Variants in SYNJ1 observed in about 807,000 individuals in gnomAD.
The protein encoded by SYNJ1 is synaptojanin 1, also known as polyphosphatidylinositol phosphatase SYNJ1.
Under a neutral mutation model 168.2 loss-of-function variants are expected in SYNJ1, and 78 were observed. The ratio of observed to expected loss-of-function variants is 0.46; its 90% CI spans 0.39 to 0.56. The LOEUF is 0.56. SYNJ1 is among the 20% of genes least tolerant of loss of function. SYNJ1 has a pLI of 0.00. For missense variants in SYNJ1, 1,303 were observed against 1,597.6 expected (o/e 0.82, Z 3.14); for synonymous variants, 539 against 548.6 (o/e 0.98, Z 0.24).
In SYNJ1 at chr21:32,684,099, C is replaced by T. The variant is rs1423043122; in HGVS notation, c.1139G>A (p.Arg380Gln). 1.9e-6 allele frequency: 3 copies of T among 1,613,592 alleles called. No individual in the cohort carries two copies. Among genetic ancestry groups the T allele is most frequent in the Non-Finnish European group, 2.5e-6 (3 of 1,179,712 alleles). Residue 380 changes from arginine (R) to glutamine (Q), a missense_variant, in exon 10 of 33, where the codon CGA becomes CAA. Around this residue, in one of 2 missense-constraint regions of SYNJ1, gnomAD observed 920 missense variants for 1,208.8 expected, o/e 0.76. Transcript: ENST00000674351. ...EVQRCQSGTV[R>Q]TNCLDCLDRT... ...ATCAAGACAATCCAAGCAGTTTGTT[C>T]GAACTGTACCACTCTGGCATCTGTA...
chr21:32,661,835 C>T lies in SYNJ1; in HGVS notation c.2304+3078G>A, dbSNP rs996377915. ...ACTAGGGGGACTTCCAGGCACTCCC[C>T]GAGAGTTAGGTGAAATTGAGTTACA... On this transcript the variant is annotated intron_variant, in intron 18 of 32. Transcript: ENST00000674351. Among the ~76,000 whole-genome samples, 10 of 152,010 alleles carry T rather than the reference C, an allele frequency of 6.6e-5. No homozygotes were observed. In the South Asian group the frequency reaches 8.3e-4, roughly 13 times the overall value.
rs552156302 is a variant in SYNJ1, at chr21:32,682,411, A to G, written c.1201-763T>C. Among the ~76,000 whole-genome samples, 10 of 152,312 alleles carry G rather than the reference A, an allele frequency of 6.6e-5. No individual in the cohort carries two copies. In the East Asian group the frequency reaches 1.9e-3, roughly 29 times the overall value. On this transcript the variant is annotated intron_variant, in intron 10 of 32. Coordinates refer to ENST00000674351, the MANE Select transcript of SYNJ1 (RefSeq NM_203446.3). ...ATTTTAACTTAACTCTTTCCAATTT[A>G]CGTTTTATTTTATCATGTAAGTATG... is the stretch of plus-strand genomic sequence containing the variant.
Position 32,641,905 on chromosome 21 carries a change from T to C in SYNJ1, c.3579A>G (p.Thr1193=), listed in dbSNP as rs754897638. The C allele has an allele frequency of 3.1e-6, 5 of 1,612,156 alleles. No homozygotes were observed. The African/African-American group carries it at 5.4e-5, about 17-fold the overall frequency. The change falls in exon 29 of 33, where the codon ACA becomes ACG. Residue 1193 remains threonine, a synonymous_variant. Coordinates refer to ENST00000674351, the MANE Select transcript of SYNJ1 (RefSeq NM_203446.3). ...GCGAGGTTTTACCTACCGGTCTGGC[T>C]GTACTGTATCCAGCAGGTCCTGGGC... is the stretch of plus-strand genomic sequence containing the variant. ...LAGPGPAGYS[T]ARPTIPPRAG...
At chr21:32,677,977 A>G (rs1406732435) in intron 12 of SYNJ1, among the ~76,000 whole-genome samples, 4 of 152,180 alleles carry the variant, frequency 2.6e-5, no homozygotes, top group Non-Finnish European at 5.9e-5. Flanking sequence ...AAGAAAAAGT[A>G]AGTCTAATCT....
At chr21:32,639,519 G>C (rs138560142) in intron 30 of SYNJ1, 152 bp downstream of exon 30, 1 of 636,214 alleles carries the variant, frequency 1.6e-6, no homozygotes, top group East Asian at 2.8e-5. Flanking sequence ...AGCCGCCCGA[G>C]TAGCTGGGAC....
At chr21:32,725,376 C>T (rs1426999762) in intron 2 of SYNJ1, among the ~76,000 whole-genome samples, 1 of 152,058 alleles carries the variant, frequency 6.6e-6, no homozygotes, top group African/African-American at 2.4e-5. Context: ...TAATACTGTA[C>T]CAAGGTATAG....
rs770748456 is a variant in SYNJ1 at position 32,646,403 on chromosome 21, G to A, written c.3237C>T (p.Pro1079=). ...SRAPSRTPGP[P]SAQSSPIDAQ... ...AAATAAAATGCATACTCTGTGCACT[G>A]GGAGGCCCAGGAGTTCTTGACGGTG... The change falls in exon 24 of 33, where the codon CCC becomes CCT. Residue 1079 remains proline (P), a synonymous_variant. Coordinates refer to ENST00000674351, the MANE Select transcript of SYNJ1 (RefSeq NM_203446.3). The A allele has an allele frequency of 1.4e-5, 22 of 1,613,952 alleles. No homozygotes were observed. The highest frequency in any genetic ancestry group is 3.4e-6 in the Non-Finnish European group (4 of 1,179,964).
chr21:32,675,414 T>A (rs1206239600), intron 13 of SYNJ1, among the ~76,000 whole-genome samples: 3 of 152,080 alleles, frequency 2.0e-5, no homozygotes, highest in Non-Finnish European at 4.4e-5. Flanking sequence ...TAAAAAATTT[T>A]AAAAAAGAAA....
chr21:32,653,456 G>A, intron 21 of SYNJ1, 90 bp from the exon 22 acceptor site: 2 of 1,003,320 alleles, frequency 2.0e-6, no homozygotes, highest in Non-Finnish European at 3.0e-6. Flanking sequence ...ATTAACAAGG[G>A]CCACAAGAGG....
chr21:32,688,198 G>C, intron 7 of SYNJ1, 108 bp downstream of exon 7: 2 of 995,498 alleles, frequency 2.0e-6, no homozygotes, highest in South Asian at 3.2e-5. Flanking sequence ...TTAGGAGTCA[G>C]AGGAATTTTA....
intron 2 of SYNJ1, among the ~76,000 whole-genome samples, chr21:32,723,837 A>C (rs902633589): frequency 2.6e-5 from 4 of 152,132 alleles, no homozygotes; most frequent in Non-Finnish European, 5.9e-5. Context: ...TCAAAAAATA[A>C]AAGCAAAAAA....
At chr21:32,642,224 A>G (rs1360197638) in intron 27 of SYNJ1, 91 bp from the exon 28 acceptor site, 31 of 1,420,978 alleles carry the variant, frequency 2.2e-5, no homozygotes, top group Non-Finnish European at 3.0e-5. Flanking sequence ...CTTCATTACC[A>G]GCAGAAATGG....
In SYNJ1 at chr21:32,688,289, T is replaced by C; in HGVS notation, c.851+17A>G. 6.2e-7 allele frequency: 1 copy of C among 1,610,486 alleles called. No individual in the cohort carries two copies. The highest frequency in any genetic ancestry group is 8.5e-7 in the Non-Finnish European group (1 of 1,178,092). ...AGCAATATCAAAACTTAAAGCACTA[T>C]GTAAAAATTGTCTTACCTGTCAAAA... is the stretch of plus-strand genomic sequence containing the variant. On this transcript the variant is annotated intron_variant, in intron 7 of 32. Coordinates refer to ENST00000674351, the MANE Select transcript of SYNJ1 (RefSeq NM_203446.3).
intron 5 of SYNJ1, 120 bp from the exon 6 acceptor site, chr21:32,694,431 T>C: frequency 1.4e-6 from 1 of 721,248 alleles, no homozygotes; most frequent in Non-Finnish European, 2.0e-6. Flanking sequence ...CTAACTCTCA[T>C]ATACAATTGT....
At chr21:32,718,171 C>T (rs995323822) in intron 2 of SYNJ1, among the ~76,000 whole-genome samples, 2 of 152,086 alleles carry the variant, frequency 1.3e-5, no homozygotes, top group African/African-American at 4.8e-5. Context: ...TCTGATAGAC[C>T]TGAGATGATG....
chr21:32,717,106 C>A (rs1267005067), intron 2 of SYNJ1, among the ~76,000 whole-genome samples: 2 of 152,004 alleles, frequency 1.3e-5, no homozygotes, highest in African/African-American at 2.4e-5. Flanking sequence ...ATTACAGGTG[C>A]CTGCCACCAC....
chr21:32,645,249 TTTA>T (rs1285286923), intron 25 of SYNJ1, among the ~76,000 whole-genome samples: 1 of 152,232 alleles, frequency 6.6e-6, no homozygotes, highest in Non-Finnish European at 1.5e-5. Context: ...GCTCTCCAGT[TTTA>T]TTATACTTTT....
chr21:32,726,969 G>A (rs569594756), intron 1 of SYNJ1, 52 bp from the exon 2 acceptor site: 2 of 1,589,792 alleles, frequency 1.3e-6, no homozygotes, highest in Non-Finnish European at 1.7e-6. Flanking sequence ...TCCTTCTGCA[G>A]CAAGGACTGC....
In SYNJ1 at chr21:32,678,596, T is replaced by C. The variant is rs769000352; in HGVS notation, c.1510+49A>G. On this transcript the variant is annotated intron_variant, in intron 12 of 32. Transcript: ENST00000674351. ...GTGTAAATAAGTTTACATTTACCTC[T>C]TGGACCTTTAGGAATATAAATAACA... is the stretch of plus-strand genomic sequence containing the variant. 2.0e-6 allele frequency: 3 copies of C among 1,510,018 alleles called. No individual in the cohort carries two copies. In the African/African-American group the frequency reaches 4.3e-5, roughly 22 times the overall value. 93.5% of individuals were successfully genotyped at this position (1,510,018 alleles called of 1,614,324 possible). A position where few individuals can be genotyped will look rare whatever the true frequency, so the allele number is the denominator to read the frequency against.
Sources: allele counts gnomAD v4.1 joint callset (sites outside exome capture counted in the v4.1 genomes callset), GRCh38; gene constraint gnomAD v4.1.1; regional missense constraint gnomAD v4.1.1; transcripts MANE v1.5; gene names NCBI Gene and HGNC (gene_info 2026-07-23, HGNC 2026-07-21).